DAPK1: variants seen among roughly 807,000 people sequenced by gnomAD.
DAPK1 encodes the protein death associated protein kinase 1.
DAPK1 carries 56 observed loss-of-function variants against 144.9 expected under a neutral mutation model. The ratio of observed to expected loss-of-function variants is 0.39; its 90% CI spans 0.31 to 0.48. DAPK1 has a LOEUF of 0.48. Ranked by LOEUF, DAPK1 falls within the 20% of genes least tolerant of loss-of-function variation. The pLI is 0.95. For synonymous variants in DAPK1, 690 were observed against 749.0 expected (o/e 0.92, Z 1.29); for missense variants, 1,454 against 1,875.4 (o/e 0.78, Z 4.15).
chr9:87,700,367 C>A, intron 24 of DAPK1, 130 bp downstream of exon 24: 2 of 685,404 alleles, frequency 2.9e-6, no homozygotes, highest in South Asian at 2.0e-5. Flanking sequence ...ATCCTAGTGC[C>A]CTGGGAAAAG....
chr9:87,507,809 G>A (rs1206185962), intron 2 of DAPK1, among the ~76,000 whole-genome samples: 2 of 152,128 alleles, frequency 1.3e-5, no homozygotes, highest in East Asian at 1.9e-4. Context: ...TTGGCTCGAG[G>A]TACGGACTTC....
chr9:87,509,517 C>A (rs1443673184), intron 2 of DAPK1, among the ~76,000 whole-genome samples: 1 of 152,128 alleles, frequency 6.6e-6, no homozygotes, highest in Non-Finnish European at 1.5e-5. Flanking sequence ...TGCACCACCA[C>A]GCCCCGCTAA....
intron 2 of DAPK1, among the ~76,000 whole-genome samples, chr9:87,559,652 T>C (rs1379394211): frequency 1.3e-5 from 2 of 152,110 alleles, no homozygotes; most frequent in Non-Finnish European, 2.9e-5. Flanking sequence ...ATTTGAAAGA[T>C]CTTTGCTGAG....
intron 2 of DAPK1, among the ~76,000 whole-genome samples, chr9:87,503,301 G>C (rs1360096725): frequency 6.6e-6 from 1 of 151,902 alleles, no homozygotes; most frequent in Non-Finnish European, 1.5e-5. Context: ...GTCTTACTCT[G>C]TTTCCCAGGC....
chr9:87,610,238 C>A (rs1291528395), intron 3 of DAPK1, among the ~76,000 whole-genome samples: 2 of 152,242 alleles, frequency 1.3e-5, no homozygotes, highest in East Asian at 3.8e-4. Context: ...CTGAAGGAGG[C>A]AAATGTGATT....
intron 20 of DAPK1, among the ~76,000 whole-genome samples, chr9:87,683,085 A>ATTTTTTTT (rs1554704267): frequency 8.0e-5 from 9 of 112,552 alleles, no homozygotes; most frequent in African/African-American, 2.2e-4. Context: ...TATTTTATTT[A>ATTTTTTTT]TTTTTTTTTT....
At chr9:87,517,907 T>C (rs1318217304) in intron 2 of DAPK1, among the ~76,000 whole-genome samples, 6 of 152,104 alleles carry the variant, frequency 3.9e-5, no homozygotes, top group African/African-American at 1.4e-4. Flanking sequence ...AAGGTGAGTC[T>C]AGTGGGAATA....
chr9:87,642,085 A>G, intron 10 of DAPK1, 27 bp downstream of exon 10: 1 of 1,595,722 alleles, frequency 6.3e-7, no homozygotes. Context: ...TGGAGGGATT[A>G]ACAAATTCTG....
chr9:87,649,491 A>G (rs1261605083), intron 15 of DAPK1, among the ~76,000 whole-genome samples: 1 of 152,228 alleles, frequency 6.6e-6, no homozygotes, highest in Non-Finnish European at 1.5e-5. Context: ...GGAAGAATTC[A>G]TGCTCAGGGA....
At chr9:87,567,442 C>G (rs1827169658) in intron 2 of DAPK1, among the ~76,000 whole-genome samples, 1 of 152,122 alleles carries the variant, frequency 6.6e-6, no homozygotes, top group Admixed American at 6.5e-5. Context: ...ACTGTCTTCA[C>G]CCTTCCTCGA....
At chr9:87,668,040 G>C (rs919728779) in intron 18 of DAPK1, 1 of 153,306 alleles carries the variant, frequency 6.5e-6, no homozygotes, top group African/African-American at 2.4e-5. Context: ...TAAAAAGCAA[G>C]CATAAAAGTG....
rs1358695423 is a variant in DAPK1, at chr9:87,649,972, G to T, written c.1480G>T (p.Ala494Ser). ...TGCTTGGCACGGCTATTACTCTGTGGCCAAAGCCCTTTGTGAAGCCGGCTG... is the reference window on the plus strand; with the variant it reads ...TGCTTGGCACGGCTATTACTCTGTGTCCAAAGCCCTTTGTGAAGCCGGCTG... ...CAAWHGYYSV[A>S]KALCEAGCNV... Residue 494 changes from alanine to serine, a missense_variant, in exon 16 of 26, where the codon GCC becomes TCC. Around this residue, in one of 2 missense-constraint regions of DAPK1, gnomAD observed 429 missense variants for 637.5 expected, o/e 0.67. Transcript: ENST00000408954. 1 of 1,614,042 alleles carries T rather than the reference G, an allele frequency of 6.2e-7. No homozygotes were observed. The highest frequency in any genetic ancestry group is 8.5e-7 in the Non-Finnish European group (1 of 1,180,042).
At chr9:87,576,174 G>A (rs555019878) in intron 2 of DAPK1, among the ~76,000 whole-genome samples, 8 of 152,150 alleles carry the variant, frequency 5.3e-5, no homozygotes, top group African/African-American at 1.2e-4. Flanking sequence ...GTGCACACAC[G>A]CATGCACACA....
At chr9:87,592,818 G>A (rs1222357244) in intron 2 of DAPK1, among the ~76,000 whole-genome samples, 2 of 152,024 alleles carry the variant, frequency 1.3e-5, no homozygotes, top group African/African-American at 2.4e-5. Context: ...CTGAGTGGCT[G>A]TCACTTCAGG....
intron 3 of DAPK1, among the ~76,000 whole-genome samples, chr9:87,615,436 A>G (rs1829062269): frequency 6.6e-6 from 1 of 152,242 alleles, no homozygotes; most frequent in Non-Finnish European, 1.5e-5. Flanking sequence ...TGCAAACACT[A>G]TTCAATTAAC....
intron 2 of DAPK1, among the ~76,000 whole-genome samples, chr9:87,517,894 G>A (rs537849497): frequency 2.2e-4 from 33 of 152,224 alleles, no homozygotes; most frequent in African/African-American, 7.7e-4. Flanking sequence ...AAAGCAGAAT[G>A]GGAAGGTGAG....
intron 2 of DAPK1, among the ~76,000 whole-genome samples, chr9:87,505,155 A>G (rs2118036117): frequency 6.6e-6 from 1 of 152,346 alleles, no homozygotes; most frequent in South Asian, 2.1e-4. Flanking sequence ...GGCATGGTCA[A>G]GGTCACATTG....
At chr9:87,519,774 C>T (rs570201995) in intron 2 of DAPK1, among the ~76,000 whole-genome samples, 77 of 152,212 alleles carry the variant, frequency 5.1e-4, no homozygotes, top group Middle Eastern at 3.4e-3. Context: ...CCAACCTTCT[C>T]GAAAGTGGCA....
At chr9:87,652,493 C>T (rs533804103) in intron 17 of DAPK1, among the ~76,000 whole-genome samples, 1 of 142,622 alleles carries the variant, frequency 7.0e-6, no homozygotes, top group African/African-American at 2.7e-5. Flanking sequence ...ATTCTGTGTC[C>T]TCCCACCTGA....
Sources: gnomAD v4.1 joint callset for allele counts (sites outside exome capture counted in the v4.1 genomes callset) on GRCh38, gnomAD v4.1.1 for gene constraint, gnomAD v4.1.1 regional missense constraint, MANE v1.5 for transcripts, NCBI Gene and HGNC (gene_info 2026-07-23, HGNC 2026-07-21) for gene names.